GLIPR2: variants seen among roughly 807,000 people sequenced by gnomAD.
GLIPR2 encodes GLI pathogenesis related 2, also known as Golgi-associated plant pathogenesis-related protein 1.
GLIPR2 carries 21 observed loss-of-function variants against 20.4 expected under a neutral mutation model. The ratio of observed to expected loss-of-function variants is 1.03; its 90% CI spans 0.73 to 1.48. The LOEUF is 1.48. Ranked by LOEUF, GLIPR2 falls within the 40% of genes most tolerant of loss-of-function variation. The probability of loss-of-function intolerance (pLI) is 0.00; values close to 1 mark genes in which losing one functional copy is unlikely to be tolerated. For missense variants in GLIPR2, 205 were observed against 200.1 expected (o/e 1.02, Z -0.15); for synonymous variants, 91 against 80.5 (o/e 1.13, Z -0.70).
Position 36,152,424 on chromosome 9 carries a change from G to A in GLIPR2, c.304+1475G>A, listed in dbSNP as rs780515328. The stretch of plus-strand genomic sequence containing the variant: ...AGCAAGTTATTAACTAGCACTCTGC[G>A]TGTGTGTGTGCGCACCACGTGGTAA... On this transcript the variant is annotated intron_variant, in intron 4 of 4. Transcript: ENST00000377960. Among the ~76,000 whole-genome samples the A allele has an allele frequency of 4.6e-5, 7 of 152,080 alleles. 1 individual carries two copies. Among genetic ancestry groups the A allele is most frequent in the African/African-American group, 1.4e-4 (6 of 41,392 alleles).
At position 36,141,697 on chromosome 9, in the gene GLIPR2, A is replaced by G. The variant is rs1825090454; in HGVS notation, c.13+4906A>G. On this transcript the variant is annotated intron_variant, in intron 1 of 4. Coordinates refer to ENST00000377960, the MANE Select transcript of GLIPR2 (RefSeq NM_022343.4). The stretch of plus-strand genomic sequence containing the variant: ...GAGTCAAGGTCTTGCTCTGTCACGC[A>G]GGCTGGAGTGCAGTGGTGCGATCAT... 3 of 385,972 alleles carry G rather than the reference A, an allele frequency of 7.8e-6. No individual in the cohort carries two copies. In the Admixed American group the frequency reaches 1.0e-4, roughly 13 times the overall value. 23.9% of individuals were successfully genotyped at this position (385,972 alleles called of 1,614,324 possible).
rs546949102 is a variant in GLIPR2, at chr9:36,145,998, A to G, written c.14-1788A>G. 4.6e-5 allele frequency: 7 copies of G among 152,308 alleles called. No individual in the cohort carries two copies. The East Asian group carries it at 9.6e-4, about 21-fold the overall frequency. The allele number at this position is 152,308 out of a possible 1,614,324, so 9.4% of individuals were successfully genotyped here. A position where few individuals can be genotyped will look rare whatever the true frequency, so the allele number is the denominator to read the frequency against. ...CACTGCAGCCCTGGGCCTGCTGATC[A>G]TACCACTCACCCTCCCACCAACTCC... On this transcript the variant is annotated intron_variant, in intron 1 of 4. Coordinates refer to ENST00000377960, the MANE Select transcript of GLIPR2 (RefSeq NM_022343.4).
chr9:36,141,131 C>A (rs771877910), intron 1 of GLIPR2, among the ~76,000 whole-genome samples: 4 of 152,170 alleles, frequency 2.6e-5, no homozygotes, highest in Non-Finnish European at 4.4e-5. Context: ...CAGAACAGTT[C>A]GAAAGCATTT....
chr9:36,156,384 CTAAAAAA>C (rs1256129250), intron 4 of GLIPR2, among the ~76,000 whole-genome samples: 2 of 39,852 alleles, frequency 5.0e-5, no homozygotes, highest in Non-Finnish European at 9.5e-5. Context: ...GAAGCCATGT[CTAAAAAA>C]AAAAAAAAAA....
chr9:36,138,146 G>A (rs1025816697), intron 1 of GLIPR2, among the ~76,000 whole-genome samples: 3 of 152,186 alleles, frequency 2.0e-5, no homozygotes, highest in Admixed American at 6.5e-5. Context: ...CGAGTCTTTC[G>A]AGATATCTGC....
At position 36,136,856 on chromosome 9, in the gene GLIPR2, T is replaced by C. The variant is rs967802695; in HGVS notation, c.13+65T>C. ...CCCCGCGCTCCCGGACCTCGCCGTC[T>C]CCCTCGTCCGCCGCAAGCCAGGTCC... On this transcript the variant is annotated intron_variant, in intron 1 of 4. Transcript: ENST00000377960. This position sits in a 1 kb window ranked among gnomAD's most constrained non-coding sequence, Gnocchi z 4.3. The C allele has an allele frequency of 8.0e-7, 1 of 1,255,482 alleles. No homozygotes were observed. The highest frequency in any genetic ancestry group is 1.0e-6 in the Non-Finnish European group (1 of 999,268). The allele number at this position is 1,255,482 out of a possible 1,614,324, so 77.8% of individuals were successfully genotyped here.
intron 4 of GLIPR2, among the ~76,000 whole-genome samples, chr9:36,161,910 G>A (rs747991281): frequency 1.3e-5 from 2 of 152,212 alleles, no homozygotes; most frequent in Non-Finnish European, 2.9e-5. Context: ...AGTCTGGCCA[G>A]GCACAGTGGC....
chr9:36,154,077 TATATA>T (rs1280972942), intron 4 of GLIPR2, among the ~76,000 whole-genome samples: 1 of 124,796 alleles, frequency 8.0e-6, no homozygotes, highest in Non-Finnish European at 1.7e-5. Flanking sequence ...TATTATATAT[TATATA>T]TTATATATAT....
chr9:36,138,232 TC>T (rs1421912818), intron 1 of GLIPR2, among the ~76,000 whole-genome samples: 1 of 151,908 alleles, frequency 6.6e-6, no homozygotes, highest in Non-Finnish European at 1.5e-5. Context: ...TTTTTTTTTT[TC>T]TTTCTTTCTG....
intron 4 of GLIPR2, among the ~76,000 whole-genome samples, chr9:36,160,171 G>A (rs555802216): frequency 6.6e-6 from 1 of 152,116 alleles, no homozygotes; most frequent in Non-Finnish European, 1.5e-5. Flanking sequence ...TTACAGGCAT[G>A]CACCACCATG....
chr9:36,160,560 G>C (rs1394191545), intron 4 of GLIPR2, among the ~76,000 whole-genome samples: 1 of 151,964 alleles, frequency 6.6e-6, no homozygotes, highest in Non-Finnish European at 1.5e-5. Context: ...AAGAGAAGAA[G>C]AAAGAAGGAA....
intron 1 of GLIPR2, among the ~76,000 whole-genome samples, chr9:36,141,147 G>T (rs1225083428): frequency 1.3e-5 from 2 of 152,196 alleles, no homozygotes; most frequent in African/African-American, 4.8e-5. Flanking sequence ...CATTTACATA[G>T]ATTAATTCAT....
intron 1 of GLIPR2, among the ~76,000 whole-genome samples, chr9:36,143,888 C>T (rs1470978042): frequency 6.6e-6 from 1 of 152,194 alleles, no homozygotes; most frequent in East Asian, 1.9e-4. Context: ...TGCCTTTCTA[C>T]CCACTGGCCC....
At position 36,148,667 on chromosome 9, in the gene GLIPR2, G is replaced by C; in HGVS notation, c.226+17G>C. 1 of 1,539,608 alleles carries C rather than the reference G, an allele frequency of 6.5e-7. No individual in the cohort carries two copies. The highest frequency in any genetic ancestry group is 9.0e-7 in the Non-Finnish European group (1 of 1,114,062). On this transcript the variant is annotated intron_variant, in intron 3 of 4. Coordinates refer to ENST00000377960, the MANE Select transcript of GLIPR2 (RefSeq NM_022343.4). ...ATCAGACAGGTGGGTCGCATTTTCA[G>C]CTCCTCTCCTCTCTGCGGGAGCTGG...
chr9:36,162,093 C>G (rs547414841), intron 4 of GLIPR2: 36 of 523,436 alleles, frequency 6.9e-5, no homozygotes, highest in African/African-American at 6.7e-4. Flanking sequence ...GAGAATCACT[C>G]GAACCCAGGA....
Position 36,155,402 on chromosome 9 carries a change from C to CT in GLIPR2, c.304+4454dup, listed in dbSNP as rs201783222. 8.0e-3 allele frequency among the ~76,000 whole-genome samples: 1,212 copies of CT among 152,086 alleles called. 22 individuals are homozygous for CT. The highest frequency in any genetic ancestry group is 0.028 in the African/African-American group (1,166 of 41,498). ...TTGAGGTCAGGAGTTCGAGACCACC[C>CT]TGGCCAATATGGTGAATCCTGTCTT... On this transcript the variant is annotated intron_variant, in intron 4 of 4. Coordinates refer to ENST00000377960, the MANE Select transcript of GLIPR2 (RefSeq NM_022343.4).
chr9:36,152,750 CAAAAAAAAAAA>C (rs1217889590), intron 4 of GLIPR2, among the ~76,000 whole-genome samples: 1 of 41,632 alleles, frequency 2.4e-5, no homozygotes, highest in Non-Finnish European at 4.0e-5. Flanking sequence ...AACTCTGTCT[CAAAAAAAAAAA>C]AAAAAAAAAA....
chr9:36,152,224 G>T (rs1207223559), intron 4 of GLIPR2, among the ~76,000 whole-genome samples: 1 of 152,186 alleles, frequency 6.6e-6, no homozygotes, highest in Non-Finnish European at 1.5e-5. Context: ...CTGGGGCAAG[G>T]ATACCTAAGG....
intron 1 of GLIPR2, among the ~76,000 whole-genome samples, chr9:36,142,929 A>G (rs1825151921): frequency 6.6e-6 from 1 of 151,714 alleles, no homozygotes; most frequent in South Asian, 2.1e-4. Context: ...GTGGGGAGAG[A>G]GGACTCCCCC....
Sources: allele counts gnomAD v4.1 joint callset (sites outside exome capture counted in the v4.1 genomes callset), GRCh38; gene constraint gnomAD v4.1.1; non-coding constraint Gnocchi (gnomAD v3.1); transcripts MANE v1.5; gene names NCBI Gene and HGNC (gene_info 2026-07-23, HGNC 2026-07-21).